The following UNC13A variants were observed in gnomAD, a reference collection of about 807,000 sequenced individuals.
UNC13A encodes unc-13 homolog A, also known as protein unc-13 homolog A.
In UNC13A, 61 loss-of-function variants were observed where a neutral mutation model predicts 219.7. The observed-to-expected ratio is 0.28, with a 90% CI of 0.23 to 0.34. The LOEUF is 0.34. Among genes scored for constraint, UNC13A ranks in the 10% least tolerant of loss-of-function variants. UNC13A has a pLI of 1.00. For synonymous variants in UNC13A, 920 were observed against 884.6 expected (o/e 1.04, Z -0.71); for missense variants, 1,476 against 2,270.3 (o/e 0.65, Z 7.11).
intron 6 of UNC13A, among the ~76,000 whole-genome samples, chr19:17,667,024 C>G (rs896632978): frequency 2.0e-5 from 3 of 152,100 alleles, no homozygotes; most frequent in Admixed American, 6.6e-5. Flanking sequence ...GAGGCCGAAG[C>G]GGGCAGATCA....
At position 17,606,274 on chromosome 19, in the gene UNC13A, C is replaced by T. The variant is rs1282124243; in HGVS notation, c.4892G>A (p.Arg1631His). The change falls in exon 44 of 44, where the codon CGC becomes CAC. Residue 1631 changes from arginine (R) to histidine (H), a missense_variant. By Grantham distance (29) the Arg-to-His change is conservative (BLOSUM62 0). Around this residue, in one of 14 missense-constraint regions of UNC13A, gnomAD observed 187 missense variants for 172.3 expected, o/e 1.09. Coordinates refer to ENST00000519716, the MANE Select transcript of UNC13A (RefSeq NM_001080421.3). ...CTGCAGCACGGCCAGCCCCACCGTG[C>T]GGTCCTCGCGCGCGAAGCAGTAGTC... ...VKDYCFAREDRTVGLAVLQLR... is the reference protein window; with the variant it reads ...VKDYCFAREDHTVGLAVLQLR... The T allele has an allele frequency of 6.5e-7, 1 of 1,547,748 alleles. No homozygotes were observed. The highest frequency in any genetic ancestry group is 1.2e-5 in the South Asian group (1 of 84,150).
rs2076527640 is a variant in UNC13A, at chr19:17,606,273, G to C, written c.4893C>G (p.Arg1631=). The part of the protein sequence containing the change: ...VKDYCFARED[R]TVGLAVLQLR... ...GCTGCAGCACGGCCAGCCCCACCGT[G>C]CGGTCCTCGCGCGCGAAGCAGTAGT... Residue 1631 remains arginine (R), a synonymous_variant, in exon 44 of 44, where the codon CGC becomes CGG. Transcript: ENST00000519716. The C allele has an allele frequency of 1.3e-6, 2 of 1,547,832 alleles. No homozygotes were observed. Among genetic ancestry groups the C allele is most frequent in the Non-Finnish European group, 1.7e-6 (2 of 1,146,518 alleles).
chr19:17,630,182 G>C lies in UNC13A; in HGVS notation c.3632C>G (p.Pro1211Arg). ...EIIKKLECPD[P>R]QIVGHYMRRF... Reference sequence around the variant, plus strand: ...CCTCATGTAGTGCCCCACGATCTGAGGGTCGGGACACTCGAGTTTCTTGAT... The same window carrying C: ...CCTCATGTAGTGCCCCACGATCTGACGGTCGGGACACTCGAGTTTCTTGAT... The change falls in exon 30 of 44, where the codon CCT becomes CGT. Residue 1211 changes from proline to arginine, a missense_variant. Physicochemically the swap from Pro to Arg is moderately radical, Grantham distance 103. Transcript: ENST00000519716. 1.3e-6 allele frequency: 2 copies of C among 1,552,200 alleles called. No homozygotes were observed. Among genetic ancestry groups the C allele is most frequent in the Non-Finnish European group, 1.7e-6 (2 of 1,147,148 alleles).
chr19:17,642,677 T>G (rs2076983174), intron 20 of UNC13A, among the ~76,000 whole-genome samples, 168 bp downstream of exon 20: 1 of 152,052 alleles, frequency 6.6e-6, no homozygotes, highest in Admixed American at 6.6e-5. Context: ...TGACCCTGAA[T>G]CTGGACTTTG....
intron 17 of UNC13A, among the ~76,000 whole-genome samples, chr19:17,646,581 C>A (rs937403739): frequency 6.6e-6 from 1 of 152,100 alleles, no homozygotes; most frequent in Non-Finnish European, 1.5e-5. Context: ...AGCTGCCTTG[C>A]GCATGGGTAG....
chr19:17,653,823 T>G (rs1164181122), intron 11 of UNC13A, among the ~76,000 whole-genome samples: 3 of 4,892 alleles, frequency 6.1e-4, no homozygotes, highest in African/African-American at 4.3e-3. Context: ...TCACTTCTCT[T>G]TTTTTTTTTT....
chr19:17,610,063 C>G lies in UNC13A; in HGVS notation c.4688G>C (p.Gly1563Ala). Reference protein sequence around the residue: ...AANDLKWQTSGIFRPFIEVNI... With the variant: ...AANDLKWQTSAIFRPFIEVNI... Reference sequence around the variant, plus strand: ...GACCTCGATGAACGGCCGGAAGATGCCAGAAGTCTGCCACTTGAGGTCATT... The same window carrying G: ...GACCTCGATGAACGGCCGGAAGATGGCAGAAGTCTGCCACTTGAGGTCATT... Residue 1563 changes from glycine to alanine, a missense_variant, in exon 43 of 44, where the codon GGC becomes GCC. Gly to Ala is a moderately conservative substitution (Grantham distance 60). This residue lies in a region of UNC13A where 77 missense variants were observed against 94.8 expected (regional missense o/e 0.81). Transcript: ENST00000519716. The G allele has an allele frequency of 1.2e-6, 2 of 1,614,038 alleles. No individual in the cohort carries two copies. Among genetic ancestry groups the G allele is most frequent in the Non-Finnish European group, 1.7e-6 (2 of 1,179,902 alleles).
In UNC13A at chr19:17,649,666, C is replaced by G. The variant is rs2079308775; in HGVS notation, c.1440-79G>C. On this transcript the variant is annotated intron_variant, in intron 12 of 43. Transcript: ENST00000519716. The surrounding 1 kb of genome is among the most constrained non-coding windows in gnomAD (Gnocchi z 4.4). ...AGCCCTGGGGAGAACATTCAACCTC[C>G]CCCAGGTGTTAAGGGGTTGAATTGG... 1.3e-6 allele frequency: 2 copies of G among 1,529,762 alleles called. No individual in the cohort carries two copies. The highest frequency in any genetic ancestry group is 3.4e-5 in the Admixed American group (2 of 59,580). The allele number at this position is 1,529,762 out of a possible 1,614,324, so 94.8% of individuals were successfully genotyped here.
At chr19:17,615,738 C>G (rs538547078) in intron 41 of UNC13A, among the ~76,000 whole-genome samples, 1 of 152,088 alleles carries the variant, frequency 6.6e-6, no homozygotes, top group East Asian at 1.9e-4. Flanking sequence ...GGCACAAGGT[C>G]CTGCTCAGCC....
At chr19:17,667,853 T>A (rs1446800277) in intron 6 of UNC13A, among the ~76,000 whole-genome samples, 1 of 146,344 alleles carries the variant, frequency 6.8e-6, no homozygotes, top group Non-Finnish European at 1.5e-5. Context: ...ACTCCTGACC[T>A]CAGGTGATCT....
chr19:17,649,111 C>T lies in UNC13A; in HGVS notation c.1525-128G>A. The T allele has an allele frequency of 1.7e-6, 2 of 1,200,946 alleles. No individual in the cohort carries two copies. The highest frequency in any genetic ancestry group is 2.3e-6 in the Non-Finnish European group (2 of 852,602). The allele number at this position is 1,200,946 out of a possible 1,614,324, so 74.4% of individuals were successfully genotyped here. A position where few individuals can be genotyped will look rare whatever the true frequency, so the allele number is the denominator to read the frequency against. The stretch of plus-strand genomic sequence containing the variant: ...CCACAACCGCAAGTTGGAAACAGGT[C>T]ACCGACAGCATCCGGGCCAGACCCA... On this transcript the variant is annotated intron_variant, in intron 14 of 43. Coordinates refer to ENST00000519716, the MANE Select transcript of UNC13A (RefSeq NM_001080421.3). The surrounding 1 kb of genome is among the most constrained non-coding windows in gnomAD (Gnocchi z 4.4).
intron 1 of UNC13A, among the ~76,000 whole-genome samples, chr19:17,677,047 C>G (rs1466376536): frequency 6.6e-6 from 1 of 152,048 alleles, no homozygotes; most frequent in Non-Finnish European, 1.5e-5. Flanking sequence ...CAGGGAGACA[C>G]TTGGGTCCTG....
rs1044879402 is a variant in UNC13A at position 17,615,961 on chromosome 19, G to A, written c.4558+1741C>T. Among the ~76,000 whole-genome samples, 3 of 149,950 alleles carry A rather than the reference G, an allele frequency of 2.0e-5. 1 individual carries two copies. The highest frequency in any genetic ancestry group is 4.9e-5 in the African/African-American group (2 of 41,126). ...CATTCCAGCCTAGGTGACAGAAGGA[G>A]ACCTTGTCTCTAAATAATAATATCA... is the stretch of plus-strand genomic sequence containing the variant. On this transcript the variant is annotated intron_variant, in intron 41 of 43. Transcript: ENST00000519716.
At chr19:17,623,472 G>A in intron 36 of UNC13A, 70 bp downstream of exon 36, 1 of 1,328,350 alleles carries the variant, frequency 7.5e-7, no homozygotes, top group East Asian at 2.8e-5. Context: ...GAGGGGTGCA[G>A]CGACGCGGTG....
intron 1 of UNC13A, among the ~76,000 whole-genome samples, chr19:17,681,698 T>C (rs553204187): frequency 6.6e-6 from 1 of 152,292 alleles, no homozygotes; most frequent in Non-Finnish European, 1.5e-5. Flanking sequence ...TGACGTCACC[T>C]CCTCCATTAA....
At chr19:17,670,182 G>A (rs1157949197) in intron 4 of UNC13A, among the ~76,000 whole-genome samples, 4 of 151,180 alleles carry the variant, frequency 2.6e-5, no homozygotes, top group African/African-American at 7.3e-5. Flanking sequence ...TCCTGACCTC[G>A]TGATCCACCC....
Position 17,676,049 on chromosome 19 carries a change from G to A in UNC13A, c.23-8C>T. ...CAAACTTGGCTTTTTTGACTGTGGAGAGAGACAGAGATAGGGAAGGGAGGT... is the reference window on the plus strand; with the variant it reads ...CAAACTTGGCTTTTTTGACTGTGGAAAGAGACAGAGATAGGGAAGGGAGGT... On this transcript the variant is annotated splice_polypyrimidine_tract_variant and splice_region_variant and intron_variant, in intron 1 of 43. Coordinates refer to ENST00000519716, the MANE Select transcript of UNC13A (RefSeq NM_001080421.3). 1.9e-6 allele frequency: 3 copies of A among 1,551,780 alleles called. No individual in the cohort carries two copies. The highest frequency in any genetic ancestry group is 2.6e-6 in the Non-Finnish European group (3 of 1,146,998).
At position 17,630,681 on chromosome 19, in the gene UNC13A, A is replaced by C. The variant is rs377516263; in HGVS notation, c.3498T>G (p.Gly1166=). 111 of 1,613,830 alleles carry C rather than the reference A, an allele frequency of 6.9e-5. No individual in the cohort carries two copies. In the African/African-American group the frequency reaches 1.4e-3, roughly 21 times the overall value. The change falls in exon 29 of 44, where the codon GGT becomes GGG. Residue 1166 remains glycine, a synonymous_variant. Transcript: ENST00000519716. ...NEEVSRDFLH[G]ALERDKKDGF... ...CATCCTTCTTGTCTCGCTCCAGGGCACCGTGCAGGAAATCCCGGGACACCT... is the reference window on the plus strand; with the variant it reads ...CATCCTTCTTGTCTCGCTCCAGGGCCCCGTGCAGGAAATCCCGGGACACCT...
At chr19:17,666,600 AG>A in intron 7 of UNC13A, 49 bp downstream of exon 7, 1 of 1,370,386 alleles carries the variant, frequency 7.3e-7, no homozygotes, top group South Asian at 1.7e-5. Flanking sequence ...GGGGTAGGGG[AG>A]GGATGAGGAT....
Sources: allele counts gnomAD v4.1 joint callset (sites outside exome capture counted in the v4.1 genomes callset), GRCh38; gene constraint gnomAD v4.1.1; regional missense constraint gnomAD v4.1.1; non-coding constraint Gnocchi (gnomAD v3.1); transcripts MANE v1.5; gene names NCBI Gene and HGNC (gene_info 2026-07-23, HGNC 2026-07-21).